The following LMO7 variants were observed in gnomAD, a reference collection of about 807,000 sequenced individuals.
The protein encoded by LMO7 is LIM domain 7.
A neutral mutation model predicts 206.5 loss-of-function variants in LMO7; 120 were observed. That is an observed-to-expected ratio of 0.58 (90% CI 0.50 to 0.68). The LOEUF (loss-of-function observed/expected upper bound fraction) is 0.68. LMO7 is among the 30% of genes least tolerant of loss of function. The pLI, the probability that LMO7 is intolerant of heterozygous loss-of-function variation, is 0.00. For missense variants in LMO7, 1,959 were observed against 1,957.9 expected, an observed-to-expected ratio of 1.00 and a Z score of -0.01; for synonymous variants, 706 against 681.5, an observed-to-expected ratio of 1.04 and a Z score of -0.56.
At chr13:75,827,358 G>A (rs2058217300) in intron 15 of LMO7, among the ~76,000 whole-genome samples, 1 of 152,172 alleles carries the variant, frequency 6.6e-6, no homozygotes, top group South Asian at 2.1e-4. Context: ...TGGAAGCAGA[G>A]ACTGGTTAGG....
chr13:75,684,840 TACAC>T (rs10617955), intron 1 of LMO7, among the ~76,000 whole-genome samples: 41,503 of 151,256 alleles, frequency 0.27, 6,246 homozygotes, highest in East Asian at 0.53. Context: ...CACACGCACA[TACAC>T]ACACACACAG....
At chr13:75,680,477 T>G (rs1443493415) in intron 1 of LMO7, among the ~76,000 whole-genome samples, 2 of 152,244 alleles carry the variant, frequency 1.3e-5, no homozygotes, top group African/African-American at 4.8e-5. Flanking sequence ...TGCCACACTG[T>G]CTTCCACAGT....
intron 4 of LMO7, among the ~76,000 whole-genome samples, chr13:75,788,054 T>A (rs2052705220): frequency 6.6e-6 from 1 of 152,200 alleles, no homozygotes. Flanking sequence ...GTACCTGATA[T>A]ATTCCTAAAT....
At chr13:75,757,023 G>A (rs1405593213) in intron 3 of LMO7, among the ~76,000 whole-genome samples, 1 of 152,158 alleles carries the variant, frequency 6.6e-6, no homozygotes, top group Non-Finnish European at 1.5e-5. Flanking sequence ...ATGGAATAGG[G>A]CTGATCTGTG....
intron 9 of LMO7, chr13:75,806,675 T>C (rs571157160): frequency 6.6e-6 from 1 of 152,372 alleles, no homozygotes; most frequent in East Asian, 1.9e-4. Flanking sequence ...TGAGCTCTTT[T>C]ATAAAACTTC....
intron 4 of LMO7, among the ~76,000 whole-genome samples, chr13:75,795,005 T>C (rs909395973): frequency 2.0e-5 from 3 of 152,160 alleles, no homozygotes; most frequent in Middle Eastern, 3.4e-3. Context: ...AAGGTTTTTT[T>C]CCCCCCATTT....
chr13:75,669,375 C>T (rs2039346492), intron 1 of LMO7, among the ~76,000 whole-genome samples: 1 of 152,056 alleles, frequency 6.6e-6, no homozygotes, highest in African/African-American at 2.4e-5. Flanking sequence ...AAGTGACCCC[C>T]CCGCCGCCCC....
chr13:75,834,453 A>G, intron 17 of LMO7, 66 bp downstream of exon 17: 1 of 1,232,626 alleles, frequency 8.1e-7, no homozygotes. Context: ...AAGTGGTTCT[A>G]ACAATTTGCT....
intron 14 of LMO7, 21 bp downstream of exon 14, chr13:75,821,630 A>G: frequency 1.3e-6 from 2 of 1,586,566 alleles, no homozygotes; most frequent in Non-Finnish European, 8.6e-7. Context: ...TTCTCGGTTC[A>G]TTTAGTCTGT....
chr13:75,712,156 A>T (rs1291626959), intron 1 of LMO7, among the ~76,000 whole-genome samples: 2 of 152,244 alleles, frequency 1.3e-5, no homozygotes, highest in East Asian at 1.9e-4. Flanking sequence ...TAGCTGGGGG[A>T]TGGTGGTAAA....
intron 4 of LMO7, among the ~76,000 whole-genome samples, chr13:75,762,252 T>G (rs967480682): frequency 6.6e-6 from 1 of 152,192 alleles, no homozygotes; most frequent in Non-Finnish European, 1.5e-5. Flanking sequence ...AGTTTAGAGA[T>G]TCTAAATTTC....
chr13:75,798,965 A>C (rs981161019), intron 6 of LMO7, among the ~76,000 whole-genome samples: 1 of 152,234 alleles, frequency 6.6e-6, no homozygotes, highest in Non-Finnish European at 1.5e-5. Context: ...GACAGATCTA[A>C]ACGCTTAAAT....
intron 3 of LMO7, among the ~76,000 whole-genome samples, chr13:75,749,224 G>A (rs2047094080): frequency 6.6e-6 from 1 of 152,126 alleles, no homozygotes; most frequent in African/African-American, 2.4e-5. Flanking sequence ...ATTTCTAGCC[G>A]GCTTTAAAGT....
At chr13:75,723,941 T>C (rs1230649198) in intron 2 of LMO7, among the ~76,000 whole-genome samples, 2 of 152,154 alleles carry the variant, frequency 1.3e-5, no homozygotes, top group African/African-American at 2.4e-5. Flanking sequence ...GAGGACCTGC[T>C]TCCTTCATAG....
intron 1 of LMO7, among the ~76,000 whole-genome samples, chr13:75,682,131 C>A (rs2040588990): frequency 6.6e-6 from 1 of 152,154 alleles, no homozygotes; most frequent in African/African-American, 2.4e-5. Flanking sequence ...TTCTTCTACA[C>A]CCTTGTCAGC....
chr13:75,849,031 CT>C, intron 26 of LMO7, 47 bp from the exon 27 acceptor site: 1 of 1,153,688 alleles, frequency 8.7e-7, no homozygotes, highest in Non-Finnish European at 1.3e-6. Context: ...ATCACTGTCA[CT>C]TTTAAAAGGT....
At chr13:75,717,089 C>T (rs954234547) in intron 2 of LMO7, among the ~76,000 whole-genome samples, 5 of 151,856 alleles carry the variant, frequency 3.3e-5, no homozygotes, top group East Asian at 1.9e-4. Context: ...CTCGGCCGGG[C>T]GCGGTGGCTC....
chr13:75,641,761 T>G (rs565217632), intron 1 of LMO7, among the ~76,000 whole-genome samples: 3 of 152,264 alleles, frequency 2.0e-5, no homozygotes, highest in South Asian at 2.1e-4. Context: ...TTTAAGTGAT[T>G]CTCCTGTCTC....
At chr13:75,724,010 C>G (rs1400405259) in intron 2 of LMO7, among the ~76,000 whole-genome samples, 1 of 152,066 alleles carries the variant, frequency 6.6e-6, no homozygotes, top group Non-Finnish European at 1.5e-5. Flanking sequence ...TCAGGAGCCT[C>G]TTTTATGAGG....
Sources: allele counts gnomAD v4.1 joint callset (sites outside exome capture counted in the v4.1 genomes callset), GRCh38; gene constraint gnomAD v4.1.1; transcripts MANE v1.5; gene names NCBI Gene and HGNC (gene_info 2026-07-23, HGNC 2026-07-21).